VCAN: variants seen among roughly 807,000 people sequenced by gnomAD.
VCAN encodes versican core protein.
Under a neutral mutation model 245.5 loss-of-function variants are expected in VCAN, and 44 were observed. That is an observed-to-expected ratio of 0.18 (90% CI 0.14 to 0.23). The LOEUF is 0.23. Among genes scored for constraint, VCAN ranks in the 10% least tolerant of loss-of-function variants. VCAN has a pLI of 1.00. For missense variants in VCAN, 3,793 were observed against 4,057.9 expected, an observed-to-expected ratio of 0.93 and a Z score of 1.77; for synonymous variants, 1,413 against 1,437.0, an observed-to-expected ratio of 0.98 and a Z score of 0.38.
rs142894260 is a variant in VCAN at position 83,542,021 on chromosome 5, T to A, written c.9018T>A (p.Ser3006=). The A allele has an allele frequency of 2.7e-4, 431 of 1,610,202 alleles. 4 individuals carry two copies. In the African/African-American group the frequency reaches 4.9e-3, roughly 18 times the overall value. Residue 3006 remains serine, a synonymous_variant, in exon 8 of 15, where the codon TCT becomes TCA. Coordinates refer to ENST00000265077, the MANE Select transcript of VCAN (RefSeq NM_004385.5). The part of the protein sequence containing the change: ...PQTSERPTLS[S]SPEINPETQA... The stretch of plus-strand genomic sequence containing the variant: ...CTTCTGAGAGGCCCACGCTTTCTTC[T>A]TCTCCAGAAATAAACCCTGAAACTC...
intron 10 of VCAN, among the ~76,000 whole-genome samples, chr5:83,549,248 G>C (rs1332292244): frequency 1.3e-5 from 2 of 152,194 alleles, no homozygotes; most frequent in African/African-American, 4.8e-5. Flanking sequence ...TCCAGGCACT[G>C]TTCTGGGCAT....
rs762632932 is a variant in VCAN, at chr5:83,548,024, G to A, written c.9433G>A (p.Gly3145Ser). ...TCGTAATGGAGCCACTTGTGTTGAT[G>A]GTTTTAACACATTCAGGTGCCTCTG... ...PCRNGATCVD[G>S]FNTFRCLCLP... The change falls in exon 10 of 15, where the codon GGT (glycine) becomes AGT (serine). Residue 3145 changes from glycine (G) to serine (S), a missense_variant. Gly to Ser is a moderately conservative substitution (Grantham distance 56, BLOSUM62 0). Coordinates refer to ENST00000265077, the MANE Select transcript of VCAN (RefSeq NM_004385.5). 2 of 1,614,022 alleles carry A rather than the reference G, an allele frequency of 1.2e-6. No homozygotes were observed. The highest frequency in any genetic ancestry group is 1.7e-6 in the Non-Finnish European group (2 of 1,179,946).
chr5:83,523,881 C>T (rs1387186924), intron 7 of VCAN, among the ~76,000 whole-genome samples: 1 of 151,738 alleles, frequency 6.6e-6, no homozygotes, highest in Non-Finnish European at 1.5e-5. Flanking sequence ...GGAAAAGAGA[C>T]AGGAATATAA....
chr5:83,551,040 A>C (rs1437830893), intron 10 of VCAN, among the ~76,000 whole-genome samples: 1 of 151,242 alleles, frequency 6.6e-6, no homozygotes, highest in Non-Finnish European at 1.5e-5. Flanking sequence ...GCATTTTCCC[A>C]GTTTGGTTTT....
intron 7 of VCAN, among the ~76,000 whole-genome samples, chr5:83,535,168 C>G (rs1225221706): frequency 6.6e-6 from 1 of 152,026 alleles, no homozygotes; most frequent in East Asian, 1.9e-4. Context: ...TCTCGCTTCT[C>G]TTTGTGGTAG....
chr5:83,580,396 C>T lies in VCAN; in HGVS notation c.10153C>T (p.His3385Tyr). The T allele has an allele frequency of 6.2e-7, 1 of 1,613,874 alleles. No individual in the cohort carries two copies. Among genetic ancestry groups the T allele is most frequent in the Non-Finnish European group, 8.5e-7 (1 of 1,179,926 alleles). ...DNSINTSKHD[H>Y]RWSRRWQESR... The stretch of plus-strand genomic sequence containing the variant: ...TTCAATAAATACATCCAAACATGAT[C>T]ATCGTTGGAGCCGGAGGTGGCAGGA... The change falls in exon 15 of 15, where the codon CAT becomes TAT. Residue 3385 changes from histidine to tyrosine, a missense_variant. Physicochemically the swap from His to Tyr is moderately conservative, Grantham distance 83 (BLOSUM62 2). Coordinates refer to ENST00000265077, the MANE Select transcript of VCAN (RefSeq NM_004385.5).
rs1231862726 is a variant in VCAN at position 83,541,769 on chromosome 5, T to C, written c.8766T>C (p.Ala2922=). 35 of 1,613,982 alleles carry C rather than the reference T, an allele frequency of 2.2e-5. No homozygotes were observed. The highest frequency in any genetic ancestry group is 3.0e-5 in the Non-Finnish European group (35 of 1,180,016). ...AAGCTTCTCCCACAGAACTTATTGC[T>C]GTGGAAGGAACTGAGATTCTCCAAG... ...EMEASPTELI[A]VEGTEILQDF... is the part of the protein sequence containing the mutation. The change falls in exon 8 of 15, where the codon GCT becomes GCC. Residue 2922 remains alanine (A), a synonymous_variant. Coordinates refer to ENST00000265077, the MANE Select transcript of VCAN (RefSeq NM_004385.5).
At position 83,580,632 on chromosome 5, in the gene VCAN, A is replaced by G; in HGVS notation, c.*198A>G. 1 of 751,420 alleles carries G rather than the reference A, an allele frequency of 1.3e-6. No homozygotes were observed. Among genetic ancestry groups the G allele is most frequent in the Non-Finnish European group, 2.1e-6 (1 of 466,278 alleles). The allele number at this position is 751,420 out of a possible 1,614,324, so 46.5% of individuals were successfully genotyped here. A position where few individuals can be genotyped will look rare whatever the true frequency, so the allele number is the denominator to read the frequency against. ...AAAAAGACAGCAGACAAAATGAAAGAAAATGAGAGCAGAAAGTAAGCATTT... is the reference window on the plus strand; with the variant it reads ...AAAAAGACAGCAGACAAAATGAAAGGAAATGAGAGCAGAAAGTAAGCATTT... On this transcript the variant is annotated 3_prime_UTR_variant, in exon 15 of 15. Coordinates refer to ENST00000265077, the MANE Select transcript of VCAN (RefSeq NM_004385.5).
intron 12 of VCAN, among the ~76,000 whole-genome samples, chr5:83,561,020 A>G (rs1747846792): frequency 6.6e-6 from 1 of 152,062 alleles, no homozygotes; most frequent in African/African-American, 2.4e-5. Context: ...GAGTTTTTGG[A>G]ATATTTAGTT....
In VCAN at chr5:83,521,599, T is replaced by C; in HGVS notation, c.3293T>C (p.Ile1098Thr). The C allele has an allele frequency of 1.9e-6, 3 of 1,613,974 alleles. No individual in the cohort carries two copies. The highest frequency in any genetic ancestry group is 1.7e-6 in the Non-Finnish European group (2 of 1,180,016). ...TTAGAAACAACTCCAGTTGGAAAAA[T>C]TGATCACAGTGTGTCTTATCCACCA... ...PVLETTPVGK[I>T]DHSVSYPPGA... Residue 1098 changes from isoleucine to threonine, a missense_variant, in exon 7 of 15, where the codon ATT (isoleucine) becomes ACT (threonine). Ile to Thr is a moderately conservative substitution (Grantham distance 89, BLOSUM62 -1). This residue lies in a region of VCAN where 3,182 missense variants were observed against 3,250.3 expected (regional missense o/e 0.98). Transcript: ENST00000265077.
intron 11 of VCAN, 75 bp downstream of exon 11, chr5:83,553,597 G>T: frequency 6.3e-7 from 1 of 1,593,284 alleles, no homozygotes; most frequent in Non-Finnish European, 8.6e-7. Flanking sequence ...GTGTGCAAGT[G>T]AAAAGAAGTA....
chr5:83,582,237 A>G lies in VCAN; in HGVS notation c.*1803A>G, dbSNP rs1466816598. ...CTTTTTTTGTGAATGAAAATCTAAAATCTTTGTAACTTTTTATATCTGCTT... is the reference window on the plus strand; with the variant it reads ...CTTTTTTTGTGAATGAAAATCTAAAGTCTTTGTAACTTTTTATATCTGCTT... On this transcript the variant is annotated 3_prime_UTR_variant, in exon 15 of 15. Transcript: ENST00000265077. 6.6e-6 allele frequency: 1 copy of G among 152,110 alleles called. No individual in the cohort carries two copies. The highest frequency in any genetic ancestry group is 1.5e-5 in the Non-Finnish European group (1 of 68,000). The allele number at this position is 152,110 out of a possible 1,614,324, so 9.4% of individuals were successfully genotyped here.
Position 83,537,510 on chromosome 5 carries a change from A to G in VCAN, c.4507A>G (p.Thr1503Ala). 2 of 1,613,938 alleles carry G rather than the reference A, an allele frequency of 1.2e-6. No individual in the cohort carries two copies. Among genetic ancestry groups the G allele is most frequent in the Non-Finnish European group, 1.7e-6 (2 of 1,179,946 alleles). Residue 1503 changes from threonine (T) to alanine (A), a missense_variant, in exon 8 of 15, where the codon ACA becomes GCA. By Grantham distance (58) the Thr-to-Ala change is moderately conservative (BLOSUM62 0). This residue lies in a region of VCAN where 3,182 missense variants were observed against 3,250.3 expected (regional missense o/e 0.98). Coordinates refer to ENST00000265077, the MANE Select transcript of VCAN (RefSeq NM_004385.5). ...FSGGEPDVFPTVPFHEEFESG... is the reference protein window; with the variant it reads ...FSGGEPDVFPAVPFHEEFESG... The stretch of plus-strand genomic sequence containing the variant: ...AGGTGGTGAGCCTGATGTTTTCCCC[A>G]CAGTCCCATTCCATGAGGAATTTGA...
At chr5:83,544,809 C>T (rs988824644) in intron 8 of VCAN, among the ~76,000 whole-genome samples, 5 of 151,954 alleles carry the variant, frequency 3.3e-5, no homozygotes, top group Non-Finnish European at 7.4e-5. Context: ...TGTCTTCGGC[C>T]TTCATATTTA....
intron 1 of VCAN, among the ~76,000 whole-genome samples, chr5:83,474,704 A>G (rs565020998): frequency 2.6e-4 from 40 of 152,254 alleles, no homozygotes; most frequent in African/African-American, 9.4e-4. Flanking sequence ...ACCGAGGCCA[A>G]TGGGGGCGGG....
intron 8 of VCAN, 146 bp downstream of exon 8, chr5:83,542,414 T>C (rs1747041592): frequency 6.9e-6 from 6 of 872,068 alleles, no homozygotes; most frequent in Admixed American, 2.1e-5. Flanking sequence ...GGCCACAGTA[T>C]TGAGTTCATA....
chr5:83,504,059 G>A (rs1487953025), intron 5 of VCAN, among the ~76,000 whole-genome samples: 1 of 152,108 alleles, frequency 6.6e-6, no homozygotes, highest in Non-Finnish European at 1.5e-5. Context: ...ACTTTCTAGG[G>A]AGTCTTGTAG....
chr5:83,568,030 A>G (rs986607220), intron 12 of VCAN, among the ~76,000 whole-genome samples: 2 of 152,224 alleles, frequency 1.3e-5, no homozygotes, highest in South Asian at 2.1e-4. Flanking sequence ...GTGCAAGAAG[A>G]TCTATTACCT....
At chr5:83,516,033 C>G (rs187722088) in intron 6 of VCAN, among the ~76,000 whole-genome samples, 1 of 152,166 alleles carries the variant, frequency 6.6e-6, no homozygotes, top group African/African-American at 2.4e-5. Context: ...GAGATCGAGA[C>G]CATCCTGGCT....
Sources: gnomAD v4.1 joint callset for allele counts (sites outside exome capture counted in the v4.1 genomes callset) on GRCh38, gnomAD v4.1.1 for gene constraint, gnomAD v4.1.1 regional missense constraint, MANE v1.5 for transcripts, NCBI Gene and HGNC (gene_info 2026-07-23, HGNC 2026-07-21) for gene names.